Variants in EEIG2 observed in about 807,000 individuals in gnomAD.
EEIG2 encodes the protein family with sequence similarity 102 member B.
At chr1:108,618,606 C>A in the EEIG2 span, among the ~76,000 whole-genome samples, 4 of 151,956 alleles carry the variant, frequency 2.6e-5, no homozygotes, top group Admixed American at 6.6e-5. Context: ...TAGAAAGCAA[C>A]ATTTGGCCGG....
the EEIG2 span, chr1:108,635,226 C>A: frequency 6.4e-7 from 1 of 1,566,246 alleles, no homozygotes; most frequent in Non-Finnish European, 8.8e-7. Flanking sequence ...TTTATTCAAG[C>A]ACTTAATAGA....
chr1:108,583,831 G>T, the EEIG2 span, among the ~76,000 whole-genome samples: 3 of 151,976 alleles, frequency 2.0e-5, no homozygotes, highest in Non-Finnish European at 4.4e-5. Flanking sequence ...AAGGGCCAGA[G>T]GACAGAACCT....
chr1:108,617,693 C>T, the EEIG2 span, among the ~76,000 whole-genome samples: 2 of 152,086 alleles, frequency 1.3e-5, no homozygotes, highest in African/African-American at 2.4e-5. Context: ...TGGGGACACC[C>T]CAGCGTGTTA....
chr1:108,593,905 A>G, the EEIG2 span, among the ~76,000 whole-genome samples: 1 of 152,110 alleles, frequency 6.6e-6, no homozygotes, highest in East Asian at 1.9e-4. Context: ...TCCTGGGCTC[A>G]AGCAATCCTC....
chr1:108,579,772 T>TGTGTGAGAGAGA, the EEIG2 span, among the ~76,000 whole-genome samples: 1,024 of 58,896 alleles, frequency 0.017, 24 homozygotes, highest in African/African-American at 0.025. Flanking sequence ...TGTGTGTGTG[T>TGTGTGAGAGAGA]GAGAGAGAGA....
At chr1:108,601,930 G>A in the EEIG2 span, among the ~76,000 whole-genome samples, 1 of 152,326 alleles carries the variant, frequency 6.6e-6, no homozygotes, top group African/African-American at 2.4e-5. Context: ...ACTGGAATGA[G>A]TTCCTGCCCC....
At chr1:108,582,454 C>T in the EEIG2 span, among the ~76,000 whole-genome samples, 4 of 152,180 alleles carry the variant, frequency 2.6e-5, no homozygotes, top group Admixed American at 1.3e-4. Context: ...TATTAATCTG[C>T]CATAATATAT....
At chr1:108,626,511 C>T in the EEIG2 span, 1 of 152,232 alleles carries the variant, frequency 6.6e-6, no homozygotes, top group Non-Finnish European at 1.5e-5. Flanking sequence ...ACACAAACTT[C>T]TCCTTTCTTA....
the EEIG2 span, among the ~76,000 whole-genome samples, chr1:108,599,835 C>CA: frequency 1.3e-5 from 2 of 152,214 alleles, no homozygotes; most frequent in East Asian, 1.9e-4. Context: ...CTTAAAAACA[C>CA]AAAAAAATTA....
chr1:108,590,303 G>A, the EEIG2 span, among the ~76,000 whole-genome samples: 3 of 151,918 alleles, frequency 2.0e-5, no homozygotes, highest in African/African-American at 7.3e-5. Context: ...TTTTGCCTCT[G>A]TTCCCACAGG....
the EEIG2 span, chr1:108,628,827 T>C: frequency 6.3e-7 from 1 of 1,596,624 alleles, no homozygotes; most frequent in Non-Finnish European, 8.5e-7. Context: ...CTGTTAAGCA[T>C]AGATTCCTGC....
chr1:108,560,387 C>T, the EEIG2 span: 4 of 1,505,948 alleles, frequency 2.7e-6, no homozygotes, highest in Non-Finnish European at 3.6e-6. Flanking sequence ...GAGGCGGCGG[C>T]GCCCGGCCGT....
At chr1:108,613,908 C>T in the EEIG2 span, among the ~76,000 whole-genome samples, 1 of 151,986 alleles carries the variant, frequency 6.6e-6, no homozygotes, top group East Asian at 1.9e-4. Context: ...ATATTTTCCT[C>T]CTCCTCATCT....
chr1:108,615,156 T>G, the EEIG2 span, among the ~76,000 whole-genome samples: 1 of 152,216 alleles, frequency 6.6e-6, no homozygotes, highest in Non-Finnish European at 1.5e-5. Context: ...CTATGAATTT[T>G]GCTATGTGCA....
At chr1:108,618,149 T>C in the EEIG2 span, among the ~76,000 whole-genome samples, 1 of 152,110 alleles carries the variant, frequency 6.6e-6, no homozygotes, top group Non-Finnish European at 1.5e-5. Flanking sequence ...TGAGTACCAA[T>C]AGTATTGGCT....
chr1:108,570,537 C>T, the EEIG2 span, among the ~76,000 whole-genome samples: 1 of 152,256 alleles, frequency 6.6e-6, no homozygotes, highest in South Asian at 2.1e-4. Context: ...GATGAAAGAT[C>T]AGAAAAGCTT....
At chr1:108,629,757 C>G in the EEIG2 span, 1 of 812,978 alleles carries the variant, frequency 1.2e-6, no homozygotes, top group Non-Finnish European at 2.1e-6. Context: ...TAGGCTGAAG[C>G]AAGGAAACAC....
chr1:108,628,241 A>T, the EEIG2 span: 1 of 1,614,196 alleles, frequency 6.2e-7, no homozygotes. Flanking sequence ...AAGCTATGCA[A>T]GTCAGCAGTC....
At chr1:108,576,495 G>A in the EEIG2 span, among the ~76,000 whole-genome samples, 2 of 130,238 alleles carry the variant, frequency 1.5e-5, no homozygotes, top group Admixed American at 8.3e-5. Flanking sequence ...CCCTTCCTGT[G>A]TCCATGTGAT....
Sources: gnomAD v4.1 joint callset for allele counts (sites outside exome capture counted in the v4.1 genomes callset) on GRCh38, gnomAD v4.1.1 for gene constraint, MANE v1.5 for transcripts, NCBI Gene and HGNC (gene_info 2026-07-23, HGNC 2026-07-21) for gene names.